Variants in GPATCH2 observed in about 807,000 individuals in gnomAD.
The protein encoded by GPATCH2 is G-patch domain containing 2, also known as G patch domain-containing protein 2.
Under a neutral mutation model 58.0 loss-of-function variants are expected in GPATCH2, and 51 were observed. That is an observed-to-expected ratio of 0.88 (90% CI 0.70 to 1.11). The LOEUF is 1.11. GPATCH2 is among the 50% of genes most tolerant of loss of function. The pLI is 0.00. For missense variants in GPATCH2, 625 were observed against 652.2 expected (o/e 0.96, Z 0.45); for synonymous variants, 222 against 218.5 (o/e 1.02, Z -0.14).
intron 5 of GPATCH2, among the ~76,000 whole-genome samples, chr1:217,547,288 G>A (rs1037867948): frequency 1.3e-5 from 2 of 151,990 alleles, no homozygotes; most frequent in East Asian, 1.9e-4. Context: ...GTTTGAACCT[G>A]GGAGGCAGAG....
At chr1:217,582,843 A>G (rs1362198441) in intron 5 of GPATCH2, among the ~76,000 whole-genome samples, 1 of 152,216 alleles carries the variant, frequency 6.6e-6, no homozygotes, top group African/African-American at 2.4e-5. Context: ...ATTTGACAAT[A>G]AAATATACTT....
rs987983830 is a variant in GPATCH2 at position 217,505,478 on chromosome 1, A to G, written c.1167-7083T>C. ...ACTAATTCCTTCTCACTGTTCCTTA[A>G]TTCCCCCTTTTCTCACCCACAGTGT... On this transcript the variant is annotated intron_variant, in intron 6 of 9. Coordinates refer to ENST00000366935, the MANE Select transcript of GPATCH2 (RefSeq NM_018040.5). Among the ~76,000 whole-genome samples the G allele has an allele frequency of 2.6e-5, 4 of 152,120 alleles. No homozygotes were observed. The East Asian group carries it at 5.8e-4, about 22-fold the overall frequency.
chr1:217,436,823 C>G (rs1162021231), intron 9 of GPATCH2, among the ~76,000 whole-genome samples: 1 of 151,988 alleles, frequency 6.6e-6, no homozygotes, highest in Non-Finnish European at 1.5e-5. Context: ...TAAAGAGTAC[C>G]CCAGTTAGAA....
intron 5 of GPATCH2, among the ~76,000 whole-genome samples, chr1:217,568,690 T>C (rs1038648049): frequency 1.3e-5 from 2 of 152,038 alleles, no homozygotes; most frequent in Non-Finnish European, 2.9e-5. Flanking sequence ...AGAAAGGAAG[T>C]AGAAACTCAG....
chr1:217,527,594 C>CAAACA lies in GPATCH2; in HGVS notation c.1099-12710_1099-12706dup, dbSNP rs531849663. Among the ~76,000 whole-genome samples the CAAACA allele has an allele frequency of 1.5e-3, 232 of 150,716 alleles. 1 individual carries two copies. Among genetic ancestry groups the CAAACA allele is most frequent in the African/African-American group, 4.4e-3 (182 of 40,956 alleles). On this transcript the variant is annotated intron_variant, in intron 5 of 9. Transcript: ENST00000366935. Reference sequence around the variant, plus strand: ...GTGCCTTTCTATGTCAGGAGGGAAACAAACAAAACAAAACAAAACAAAACA... The same window carrying CAAACA: ...GTGCCTTTCTATGTCAGGAGGGAAACAAACAAAACAAAACAAAACAAAACAAAACA...
chr1:217,551,879 T>C (rs941466541), intron 5 of GPATCH2, among the ~76,000 whole-genome samples: 4 of 152,196 alleles, frequency 2.6e-5, no homozygotes, highest in Non-Finnish European at 4.4e-5. Context: ...CTACATATCA[T>C]GTAACATCAC....
At chr1:217,543,996 T>G (rs546484304) in intron 5 of GPATCH2, among the ~76,000 whole-genome samples, 1 of 152,354 alleles carries the variant, frequency 6.6e-6, no homozygotes, top group African/African-American at 2.4e-5. Flanking sequence ...TTAATTTATC[T>G]TATTTGTAGT....
intron 6 of GPATCH2, among the ~76,000 whole-genome samples, chr1:217,513,079 C>G (rs1662934071): frequency 6.6e-6 from 1 of 152,166 alleles, no homozygotes; most frequent in Non-Finnish European, 1.5e-5. Context: ...GGCCTGAGGT[C>G]AGGAGTTCGA....
chr1:217,549,214 T>G (rs1665225535), intron 5 of GPATCH2, among the ~76,000 whole-genome samples: 1 of 152,170 alleles, frequency 6.6e-6, no homozygotes, highest in Non-Finnish European at 1.5e-5. Context: ...GGGTTAGACA[T>G]CATGGGAGAT....
chr1:217,578,138 G>C (rs1007075146), intron 5 of GPATCH2, among the ~76,000 whole-genome samples: 40 of 149,094 alleles, frequency 2.7e-4, no homozygotes, highest in Non-Finnish European at 4.5e-4. Flanking sequence ...TTAATGGCTG[G>C]GGGGGGATTA....
chr1:217,450,277 T>C (rs1195640946), intron 8 of GPATCH2, among the ~76,000 whole-genome samples: 1 of 152,026 alleles, frequency 6.6e-6, no homozygotes, highest in African/African-American at 2.4e-5. Context: ...GACAGAGAGA[T>C]ATCTGACAGT....
chr1:217,522,548 G>GT (rs1663521324), intron 5 of GPATCH2, among the ~76,000 whole-genome samples: 1 of 152,076 alleles, frequency 6.6e-6, no homozygotes, highest in African/African-American at 2.4e-5. Flanking sequence ...CATCAAGAAA[G>GT]TAAGGATATG....
At chr1:217,535,185 CTGG>C (rs772780988) in intron 5 of GPATCH2, among the ~76,000 whole-genome samples, 23 of 152,124 alleles carry the variant, frequency 1.5e-4, no homozygotes, top group Non-Finnish European at 3.1e-4. Context: ...CTACTCAATC[CTGG>C]TACTGTTGCT....
At chr1:217,487,980 T>G (rs1661533782) in intron 8 of GPATCH2, among the ~76,000 whole-genome samples, 1 of 152,096 alleles carries the variant, frequency 6.6e-6, no homozygotes, top group African/African-American at 2.4e-5. Context: ...GACCTCGTGA[T>G]CCACCCGCCT....
In GPATCH2 at chr1:217,614,119, G is replaced by A. The variant is rs1668768416; in HGVS notation, c.835+22C>T. ...GAATGAAGAAGTTTTTCCAAAGAGAGAAAAAAATATCATTTCAGTACCTTG... is the reference window on the plus strand; with the variant it reads ...GAATGAAGAAGTTTTTCCAAAGAGAAAAAAAAATATCATTTCAGTACCTTG... On this transcript the variant is annotated intron_variant, in intron 3 of 9. Transcript: ENST00000366935. 3 of 1,425,628 alleles carry A rather than the reference G, an allele frequency of 2.1e-6. No homozygotes were observed. In the African/African-American group the frequency reaches 4.2e-5, roughly 20 times the overall value. 88.3% of individuals were successfully genotyped at this position (1,425,628 alleles called of 1,614,324 possible). A position where few individuals can be genotyped will look rare whatever the true frequency, so the allele number is the denominator to read the frequency against.
At chr1:217,566,654 T>C (rs923553324) in intron 5 of GPATCH2, among the ~76,000 whole-genome samples, 3 of 152,224 alleles carry the variant, frequency 2.0e-5, no homozygotes, top group Non-Finnish European at 4.4e-5. Context: ...ATTATTCTTC[T>C]AACCAGTTTG....
intron 5 of GPATCH2, among the ~76,000 whole-genome samples, chr1:217,526,439 G>C (rs376971433): frequency 2.0e-5 from 3 of 152,074 alleles, no homozygotes; most frequent in African/African-American, 7.2e-5. Flanking sequence ...GAGGGAAAAA[G>C]TACAAAAGTA....
At chr1:217,579,890 A>T (rs924877738) in intron 5 of GPATCH2, among the ~76,000 whole-genome samples, 8 of 152,190 alleles carry the variant, frequency 5.3e-5, no homozygotes, top group Non-Finnish European at 1.2e-4. Context: ...AATCTCAGTG[A>T]CTGTCTATAT....
At chr1:217,623,483 T>G (rs1231579997) in intron 1 of GPATCH2, among the ~76,000 whole-genome samples, 2 of 151,764 alleles carry the variant, frequency 1.3e-5, no homozygotes, top group Non-Finnish European at 2.9e-5. Flanking sequence ...AGAATGAAAT[T>G]TCTTAGTAAT....
Sources: gnomAD v4.1 joint callset for allele counts (sites outside exome capture counted in the v4.1 genomes callset) on GRCh38, gnomAD v4.1.1 for gene constraint, MANE v1.5 for transcripts, NCBI Gene and HGNC (gene_info 2026-07-23, HGNC 2026-07-21) for gene names.